Variants in ZFP1 observed in about 807,000 individuals in gnomAD.
ZFP1 encodes the protein zinc finger protein 1 homolog.
Under a neutral mutation model 38.5 loss-of-function variants are expected in ZFP1, and 32 were observed. The ratio of observed to expected loss-of-function variants is 0.83; its 90% confidence interval spans 0.63 to 1.12. The LOEUF (loss-of-function observed/expected upper bound fraction) is 1.12, where lower values mean the gene tolerates loss of function less well. ZFP1 is among the 50% of genes most tolerant of loss of function. The pLI, the probability that ZFP1 is intolerant of heterozygous loss-of-function variation, is 0.00. For missense variants in ZFP1, 616 were observed against 480.8 expected (o/e 1.28, Z -2.63); for synonymous variants, 245 against 168.8 (o/e 1.45, Z -3.50).
At chr16:75,154,184 A>G (rs1156980586) in intron 2 of ZFP1, among the ~76,000 whole-genome samples, 1 of 151,810 alleles carries the variant, frequency 6.6e-6, no homozygotes, top group East Asian at 1.9e-4. Flanking sequence ...AGATCGCGCC[A>G]CTGAACTCCA....
At chr16:75,129,080 G>A in the ZFP1 span, among the ~76,000 whole-genome samples, 2 of 152,154 alleles carry the variant, frequency 1.3e-5, no homozygotes, top group African/African-American at 2.4e-5. Context: ...GTGAGCCACC[G>A]CGCCGGGCCA....
chr16:75,153,105 A>G (rs950087526), intron 2 of ZFP1, 139 bp downstream of exon 2: 14 of 1,157,406 alleles, frequency 1.2e-5, no homozygotes, highest in Middle Eastern at 2.0e-4. Context: ...CCAGCAGCCA[A>G]AAAGCAAATT....
chr16:75,143,647 C>CTTTTTTT (rs386385080), upstream of ZFP1, among the ~76,000 whole-genome samples: 15 of 93,770 alleles, frequency 1.6e-4, 1 homozygote, highest in Admixed American at 3.0e-4. Context: ...GGAGGTGAAT[C>CTTTTTTT]TTTTTTTTTT....
the ZFP1 span, among the ~76,000 whole-genome samples, chr16:75,133,030 T>C: frequency 1.3e-5 from 2 of 151,630 alleles, no homozygotes; most frequent in African/African-American, 4.8e-5. Context: ...CAGGCTGGAG[T>C]GCAGTGGTGC....
chr16:75,120,460 T>C, the ZFP1 span, among the ~76,000 whole-genome samples: 1 of 152,110 alleles, frequency 6.6e-6, no homozygotes, highest in Non-Finnish European at 1.5e-5. Flanking sequence ...CAAGTTCGTC[T>C]CGTCTCTTCA....
At chr16:75,161,153 C>T (rs891464798) in intron 2 of ZFP1, among the ~76,000 whole-genome samples, 3 of 152,076 alleles carry the variant, frequency 2.0e-5, no homozygotes, top group Non-Finnish European at 4.4e-5. Context: ...CTGCCACCTC[C>T]GCCTTCCGGG....
chr16:75,166,989 G>GT, intron 3 of ZFP1, 93 bp downstream of exon 3: 2 of 1,526,518 alleles, frequency 1.3e-6, no homozygotes, highest in South Asian at 1.3e-5. Context: ...ATTACTAAAT[G>GT]TTTTTGGCCT....
Position 75,170,358 on chromosome 16 carries a change from G to C in ZFP1, c.*24G>C. 6.5e-7 allele frequency: 1 copy of C among 1,541,284 alleles called. No homozygotes were observed. The highest frequency in any genetic ancestry group is 1.3e-5 in the South Asian group (1 of 78,474). On this transcript the variant is annotated 3_prime_UTR_variant, in exon 4 of 4. Transcript: ENST00000570010. ...GAAACTCCAGCCAGGTCTTACTGTG[G>C]AAAACTCCTGCCAGAACTCTTCAAG...
chr16:75,164,624 T>C (rs896751266), intron 2 of ZFP1, among the ~76,000 whole-genome samples: 4 of 152,164 alleles, frequency 2.6e-5, no homozygotes, highest in Non-Finnish European at 5.9e-5. Context: ...TAGTCATCAT[T>C]CTAGATCGGG....
intron 2 of ZFP1, among the ~76,000 whole-genome samples, chr16:75,158,798 ATTACT>A (rs2037598018): frequency 6.6e-6 from 1 of 150,610 alleles, no homozygotes; most frequent in African/African-American, 2.4e-5. Context: ...TATTTTGCAT[ATTACT>A]TTACAGTTCG....
the ZFP1 span, among the ~76,000 whole-genome samples, chr16:75,142,204 A>C: frequency 4.6e-5 from 6 of 131,668 alleles, no homozygotes; most frequent in East Asian, 9.8e-4. Flanking sequence ...AAAAATACAA[A>C]AAAAAAAAAA....
intron 3 of ZFP1, among the ~76,000 whole-genome samples, 189 bp downstream of exon 3, chr16:75,167,085 A>G (rs1415524112): frequency 6.6e-6 from 1 of 152,228 alleles, no homozygotes; most frequent in Non-Finnish European, 1.5e-5. Context: ...AAGTCCAGGC[A>G]ATTAGGAGCT....
At chr16:75,121,005 C>T in the ZFP1 span, among the ~76,000 whole-genome samples, 6 of 152,232 alleles carry the variant, frequency 3.9e-5, no homozygotes, top group Non-Finnish European at 7.4e-5. Context: ...AAAAAGTGCA[C>T]TGTAAAAGCA....
At position 75,169,516 on chromosome 16, in the gene ZFP1, G is replaced by A; in HGVS notation, c.406G>A (p.Glu136Lys). The change falls in exon 4 of 4, where the codon GAA (glutamate) becomes AAA (lysine). Residue 136 changes from glutamate (E) to lysine (K), a missense_variant. Physicochemically the swap from Glu to Lys is moderately conservative, Grantham distance 56. Coordinates refer to ENST00000570010, the MANE Select transcript of ZFP1 (RefSeq NM_153688.4). ...YAGKQTDECN[E>K]FGKALLYLKQ... Reference sequence around the variant, plus strand: ...AGGAAAGCAGACTGATGAGTGTAATGAATTTGGAAAAGCACTTCTCTACCT... The same window carrying A: ...AGGAAAGCAGACTGATGAGTGTAATAAATTTGGAAAAGCACTTCTCTACCT... 1 of 1,613,206 alleles carries A rather than the reference G, an allele frequency of 6.2e-7. No homozygotes were observed. Among genetic ancestry groups the A allele is most frequent in the East Asian group, 2.2e-5 (1 of 44,868 alleles).
At chr16:75,123,366 G>GTATATATA in the ZFP1 span, among the ~76,000 whole-genome samples, 2 of 138,172 alleles carry the variant, frequency 1.4e-5, no homozygotes, top group African/African-American at 5.4e-5. Context: ...ATATATATGT[G>GTATATATA]TATATATATA....
At chr16:75,151,202 C>G (rs1482882184) in intron 1 of ZFP1, among the ~76,000 whole-genome samples, 1 of 151,658 alleles carries the variant, frequency 6.6e-6, no homozygotes, top group Non-Finnish European at 1.5e-5. Context: ...AATTTCCTGA[C>G]TCCTACAACT....
the ZFP1 span, among the ~76,000 whole-genome samples, chr16:75,138,221 G>A: frequency 3.9e-5 from 6 of 151,904 alleles, no homozygotes; most frequent in Non-Finnish European, 7.4e-5. Context: ...ATTCTTAGTA[G>A]AGATGGGGTT....
At chr16:75,138,599 A>C in the ZFP1 span, among the ~76,000 whole-genome samples, 1 of 152,220 alleles carries the variant, frequency 6.6e-6, no homozygotes. Context: ...ATTAGCTAAG[A>C]TGAGGTCACA....
the ZFP1 span, among the ~76,000 whole-genome samples, chr16:75,121,285 C>T: frequency 1.3e-5 from 2 of 151,394 alleles, no homozygotes; most frequent in African/African-American, 4.9e-5. Context: ...ACCACCACGC[C>T]CAGCTAATTT....
Sources: gnomAD v4.1 joint callset for allele counts (sites outside exome capture counted in the v4.1 genomes callset) on GRCh38, gnomAD v4.1.1 for gene constraint, MANE v1.5 for transcripts, NCBI Gene and HGNC (gene_info 2026-07-23, HGNC 2026-07-21) for gene names.